VTI1B: variants seen among roughly 807,000 people sequenced by gnomAD.
VTI1B encodes the protein vesicle transport through interaction with t-SNAREs 1B.
In VTI1B, 18 loss-of-function variants were observed where a neutral mutation model predicts 28.6. That is an observed-to-expected ratio of 0.63 (90% CI 0.43 to 0.93). VTI1B has a LOEUF of 0.93. VTI1B is among the 40% of genes least tolerant of loss of function. The probability of loss-of-function intolerance (pLI) is 0.00; values close to 1 mark genes in which losing one functional copy is unlikely to be tolerated. For missense variants in VTI1B, 283 were observed against 297.0 expected (o/e 0.95, Z 0.35); for synonymous variants, 100 against 107.9 (o/e 0.93, Z 0.46).
Position 67,656,583 on chromosome 14 carries a change from G to T in VTI1B, c.373C>A (p.Leu125Ile), listed in dbSNP as rs150325851. The T allele has an allele frequency of 1.4e-4, 229 of 1,599,748 alleles. No homozygotes were observed. In the African/African-American group the frequency reaches 2.4e-3, roughly 17 times the overall value. Residue 125 changes from leucine (L) to isoleucine (I), a missense_variant, in exon 4 of 6, where the codon CTA becomes ATA. Transcript: ENST00000554659. Reference protein sequence around the residue: ...YAVENEHMNRLQSQRAMLLQG... With the variant: ...YAVENEHMNRIQSQRAMLLQG... Reference sequence around the variant, plus strand: ...AGAAGCATTGCCCTTTGAGACTGTAGCCGATTCTGAAAGAAGTATGGAAGA... The same window carrying T: ...AGAAGCATTGCCCTTTGAGACTGTATCCGATTCTGAAAGAAGTATGGAAGA...
intron 1 of VTI1B, 70 bp downstream of exon 1, chr14:67,674,305 A>G (rs959918743): frequency 9.4e-6 from 13 of 1,379,744 alleles, no homozygotes; most frequent in Non-Finnish European, 2.9e-6. Flanking sequence ...TCTGGGAGGA[A>G]GGTGGGAGAA....
chr14:67,662,190 A>AAAAC (rs1566814824), intron 2 of VTI1B, among the ~76,000 whole-genome samples: 2 of 151,728 alleles, frequency 1.3e-5, no homozygotes, highest in African/African-American at 4.9e-5. Context: ...AAAAAAAAAA[A>AAAAC]CAACAGATTT....
At chr14:67,655,419 G>T (rs2140808088) in intron 4 of VTI1B, among the ~76,000 whole-genome samples, 1 of 152,290 alleles carries the variant, frequency 6.6e-6, no homozygotes, top group East Asian at 1.9e-4. Context: ...AGTGACAGCA[G>T]ACTAGAGATC....
At position 67,651,124 on chromosome 14, in the gene VTI1B, T is replaced by C. The variant is rs1000971957; in HGVS notation, c.*261A>G. 4.2e-5 allele frequency: 38 copies of C among 904,370 alleles called. No individual in the cohort carries two copies. Among genetic ancestry groups the C allele is most frequent in the Non-Finnish European group, 5.6e-5 (34 of 609,358 alleles). 56.0% of individuals were successfully genotyped at this position (904,370 alleles called of 1,614,324 possible). On this transcript the variant is annotated 3_prime_UTR_variant, in exon 6 of 6. Coordinates refer to ENST00000554659, the MANE Select transcript of VTI1B (RefSeq NM_006370.3). ...TTGGTTTTTTGCAGTTCACAGGGTA[T>C]TAATATGCTACAGTACTATGTAAAT...
chr14:67,663,090 T>G, intron 1 of VTI1B: 3 of 1,494,638 alleles, frequency 2.0e-6, no homozygotes, highest in Non-Finnish European at 2.7e-6. Flanking sequence ...GCACCGGCAA[T>G]GACTTGAACG....
At chr14:67,664,205 C>G (rs1219842282) in intron 1 of VTI1B, among the ~76,000 whole-genome samples, 2 of 152,176 alleles carry the variant, frequency 1.3e-5, no homozygotes, top group Admixed American at 6.5e-5. Flanking sequence ...TAGGTACATT[C>G]ACACCGTTGT....
intron 1 of VTI1B, among the ~76,000 whole-genome samples, chr14:67,669,273 T>A (rs1365942064): frequency 6.7e-6 from 1 of 149,918 alleles, no homozygotes; most frequent in Non-Finnish European, 1.5e-5. Context: ...CTTCATAATT[T>A]TTTTTTTTTT....
In VTI1B at chr14:67,659,758, G is replaced by A. The variant is rs773483040; in HGVS notation, c.339C>T (p.Gly113=). Residue 113 remains glycine, a synonymous_variant, in exon 3 of 6, where the codon GGC becomes GGT. Coordinates refer to ENST00000554659, the MANE Select transcript of VTI1B (RefSeq NM_006370.3). ...TATGCTCATTCTCTACAGCATATAT[G>A]CCATATTTCATGTCTCCTCGGCCTC... ...TPGGRGDMKY[G]IYAVENEHMN... 3.1e-5 allele frequency: 50 copies of A among 1,613,216 alleles called. No individual in the cohort carries two copies. The highest frequency in any genetic ancestry group is 3.6e-5 in the Non-Finnish European group (42 of 1,179,782).
At chr14:67,674,322 T>C in intron 1 of VTI1B, 53 bp downstream of exon 1, 2 of 1,469,404 alleles carry the variant, frequency 1.4e-6, no homozygotes, top group Non-Finnish European at 1.8e-6. Context: ...AGAATCTTCC[T>C]TCCAAAGCGC....
At position 67,650,906 on chromosome 14, in the gene VTI1B, C is replaced by A. The variant is rs112748595; in HGVS notation, c.*479G>T. On this transcript the variant is annotated 3_prime_UTR_variant, in exon 6 of 6. Transcript: ENST00000554659. ...ACCAGATGAATCAGAAAATCAAGCA[C>A]GTGTGAGAATTTAGGAGACACTGTG... 3.1e-6 allele frequency: 5 copies of A among 1,614,052 alleles called. No individual in the cohort carries two copies. The South Asian group carries it at 3.3e-5, about 11-fold the overall frequency.
intron 1 of VTI1B, among the ~76,000 whole-genome samples, chr14:67,672,652 A>C (rs149077347): frequency 0.012 from 1,763 of 151,276 alleles, 33 homozygotes; most frequent in African/African-American, 0.041. Flanking sequence ...CATATTGGCC[A>C]GGCTGGTCTT....
rs142780911 is a variant in VTI1B, at chr14:67,665,599, T to C, written c.116-3064A>G. Reference sequence around the variant, plus strand: ...CCACTTTTTAAGTGACCATAAATCATTTTGGATGCGTATATTCTATAATCT... The same window carrying C: ...CCACTTTTTAAGTGACCATAAATCACTTTGGATGCGTATATTCTATAATCT... On this transcript the variant is annotated intron_variant, in intron 1 of 5. Transcript: ENST00000554659. Among the ~76,000 whole-genome samples the C allele has an allele frequency of 2.6e-5, 4 of 152,232 alleles. No individual in the cohort carries two copies. In the East Asian group the frequency reaches 7.7e-4, roughly 29 times the overall value.
At chr14:67,652,382 T>C (rs182365069) in intron 5 of VTI1B, 2 of 176,446 alleles carry the variant, frequency 1.1e-5, no homozygotes, top group Admixed American at 5.4e-5. Flanking sequence ...TCCCATTTCT[T>C]GGGAAATGAA....
intron 1 of VTI1B, 102 bp downstream of exon 1, chr14:67,674,273 A>G: frequency 9.0e-7 from 1 of 1,105,890 alleles, no homozygotes; most frequent in Non-Finnish European, 1.2e-6. Flanking sequence ...GAGGACGCGG[A>G]GGGAGGAGAC....
At position 67,647,239 on chromosome 14, in the gene VTI1B, T is replaced by C; in HGVS notation, c.*4146A>G. 1 of 452,828 alleles carries C rather than the reference T, an allele frequency of 2.2e-6. No homozygotes were observed. The highest frequency in any genetic ancestry group is 3.9e-6 in the Non-Finnish European group (1 of 256,238). 28.1% of individuals were successfully genotyped at this position (452,828 alleles called of 1,614,324 possible). A position where few individuals can be genotyped will look rare whatever the true frequency, so the allele number is the denominator to read the frequency against. ...CCTCTAAATCATTGCCTAGATCTTCTGTCTCATGAATTTTTCTTTATCTCC... is the reference window on the plus strand; with the variant it reads ...CCTCTAAATCATTGCCTAGATCTTCCGTCTCATGAATTTTTCTTTATCTCC... On this transcript the variant is annotated 3_prime_UTR_variant, in exon 6 of 6. Coordinates refer to ENST00000554659, the MANE Select transcript of VTI1B (RefSeq NM_006370.3).
At position 67,649,114 on chromosome 14, in the gene VTI1B, A is replaced by G. The variant is rs2037139099; in HGVS notation, c.*2271T>C. ...ATTGGCCAGAGAACTTGGGGGTTCA[A>G]TTCTCTGCTTTGCTTCCTAAAAACA... On this transcript the variant is annotated 3_prime_UTR_variant, in exon 6 of 6. Coordinates refer to ENST00000554659, the MANE Select transcript of VTI1B (RefSeq NM_006370.3). The G allele has an allele frequency of 6.6e-6, 1 of 152,226 alleles. No individual in the cohort carries two copies. The highest frequency in any genetic ancestry group is 1.5e-5 in the Non-Finnish European group (1 of 68,048). The allele number at this position is 152,226 out of a possible 1,614,324, so 9.4% of individuals were successfully genotyped here. A position where few individuals can be genotyped will look rare whatever the true frequency, so the allele number is the denominator to read the frequency against.
chr14:67,667,986 A>C (rs2037422725), intron 1 of VTI1B, among the ~76,000 whole-genome samples: 1 of 152,140 alleles, frequency 6.6e-6, no homozygotes, highest in African/African-American at 2.4e-5. Flanking sequence ...AGGAGTTAGA[A>C]TAGTTAAAAT....
In VTI1B at chr14:67,648,502, CAAGAT is replaced by C. The variant is rs36217347; in HGVS notation, c.*2878_*2882del. The C allele has an allele frequency of 0.032, 6,357 of 196,296 alleles. 358 individuals are homozygous for C. The highest frequency in any genetic ancestry group is 0.13 in the African/African-American group (5,580 of 42,832). 12.2% of individuals were successfully genotyped at this position (196,296 alleles called of 1,614,324 possible). On this transcript the variant is annotated 3_prime_UTR_variant, in exon 6 of 6. Transcript: ENST00000554659. ...CTAAAGGCAGATTAAGATAAGAAGGCAAGATAAGATAAGAGTGCAAGGCTGTAATT... is the reference window on the plus strand; with the variant it reads ...CTAAAGGCAGATTAAGATAAGAAGGCAAGATAAGAGTGCAAGGCTGTAATT...
intron 5 of VTI1B, chr14:67,652,504 C>CT: frequency 1.2e-5 from 2 of 166,276 alleles, no homozygotes; most frequent in Non-Finnish European, 1.3e-5. Flanking sequence ...GAATTCCATT[C>CT]TTCTCCTGAA....
Sources: allele counts gnomAD v4.1 joint callset (sites outside exome capture counted in the v4.1 genomes callset), GRCh38; gene constraint gnomAD v4.1.1; transcripts MANE v1.5; gene names NCBI Gene and HGNC (gene_info 2026-07-23, HGNC 2026-07-21).